Variants in SLC9A8 observed in about 807,000 individuals in gnomAD.
SLC9A8 encodes the protein solute carrier family 9 member A8, also known as sodium/hydrogen exchanger 8.
A neutral mutation model predicts 66.6 loss-of-function variants in SLC9A8; 48 were observed. The observed-to-expected ratio is 0.72, with a 90% CI of 0.57 to 0.92. The LOEUF is 0.92. Among genes scored for constraint, SLC9A8 ranks in the 40% least tolerant of loss-of-function variants. SLC9A8 has a pLI of 0.00. For synonymous variants in SLC9A8, 274 were observed against 282.6 expected (o/e 0.97, Z 0.31); for missense variants, 599 against 747.3 (o/e 0.80, Z 2.31).
At chr20:49,880,031 C>T (rs1287598826) in intron 12 of SLC9A8, among the ~76,000 whole-genome samples, 2 of 151,930 alleles carry the variant, frequency 1.3e-5, no homozygotes, top group African/African-American at 4.8e-5. Context: ...GAGGCAAAGG[C>T]AGGAGGATTG....
chr20:49,853,469 C>T (rs916215773), intron 7 of SLC9A8, among the ~76,000 whole-genome samples: 2 of 152,218 alleles, frequency 1.3e-5, no homozygotes, highest in African/African-American at 2.4e-5. Context: ...ACATCATCCT[C>T]CTTCCTTCAC....
At chr20:49,880,138 C>T (rs1250536074) in intron 12 of SLC9A8, among the ~76,000 whole-genome samples, 1 of 151,916 alleles carries the variant, frequency 6.6e-6, no homozygotes, top group African/African-American at 2.4e-5. Context: ...GTGGTGCATA[C>T]CTGTAGTTCT....
At chr20:49,858,496 T>C (rs2088598875) in intron 8 of SLC9A8, among the ~76,000 whole-genome samples, 1 of 151,734 alleles carries the variant, frequency 6.6e-6, no homozygotes, top group South Asian at 2.1e-4. Flanking sequence ...TTGCTTTGTC[T>C]CTTGATTTTT....
chr20:49,834,403 G>C (rs569987032), intron 3 of SLC9A8, among the ~76,000 whole-genome samples: 1 of 44,554 alleles, frequency 2.2e-5, no homozygotes, highest in Non-Finnish European at 4.1e-5. Context: ...TATATATACT[G>C]TGTATATATA....
At chr20:49,874,932 C>A (rs564958750) in intron 11 of SLC9A8, 111 bp downstream of exon 11, 1 of 764,428 alleles carries the variant, frequency 1.3e-6, no homozygotes, top group South Asian at 1.5e-5. Flanking sequence ...GGCAGCAGCT[C>A]CTCAGAGCCA....
intron 8 of SLC9A8, among the ~76,000 whole-genome samples, chr20:49,859,780 G>A (rs1003244398): frequency 2.6e-5 from 4 of 152,164 alleles, no homozygotes; most frequent in African/African-American, 4.8e-5. Flanking sequence ...CTGCTGTAGA[G>A]GAAACCTTTT....
chr20:49,848,488 T>A (rs1481372267), intron 5 of SLC9A8, among the ~76,000 whole-genome samples: 1 of 152,196 alleles, frequency 6.6e-6, no homozygotes, highest in Non-Finnish European at 1.5e-5. Context: ...CAGGTCTTGA[T>A]GTCCATGGTT....
chr20:49,883,631 T>A (rs1330519134), intron 13 of SLC9A8, among the ~76,000 whole-genome samples: 1 of 152,186 alleles, frequency 6.6e-6, no homozygotes, highest in Admixed American at 6.5e-5. Context: ...TCTCATTTGA[T>A]CTGCCAATGT....
intron 4 of SLC9A8, 148 bp downstream of exon 4, chr20:49,839,747 A>C (rs1243770396): frequency 2.3e-6 from 1 of 438,934 alleles, no homozygotes; most frequent in Non-Finnish European, 4.1e-6. Flanking sequence ...ATACAGGTTG[A>C]TGCCTTTACA....
Position 49,884,291 on chromosome 20 carries a change from C to CACACACACACACACACACACG in SLC9A8, c.1491+245_1491+246insGACACACACACACACACACAC, listed in dbSNP as rs1568884299. 156 of 252,492 alleles carry CACACACACACACACACACACG rather than the reference C, an allele frequency of 6.2e-4. 1 individual carries two copies. Among genetic ancestry groups the CACACACACACACACACACACG allele is most frequent in the Non-Finnish European group, 6.6e-4 (93 of 140,428 alleles). The allele number at this position is 252,492 out of a possible 1,614,324, so 15.6% of individuals were successfully genotyped here. On this transcript the variant is annotated intron_variant, in intron 14 of 15. Transcript: ENST00000361573. ...ACACACACGACACACACACACACGA[C>CACACACACACACACACACACG]ACACACACACACACACACACACACA...
chr20:49,822,224 T>A (rs17785991), intron 2 of SLC9A8, among the ~76,000 whole-genome samples: 40,889 of 152,072 alleles, frequency 0.27, 6,006 homozygotes, highest in Non-Finnish European at 0.34. Context: ...CTGATGTTCT[T>A]GTCACCAAAC....
chr20:49,834,346 T>TATACAC (rs1438390697), intron 3 of SLC9A8, among the ~76,000 whole-genome samples: 1 of 75,726 alleles, frequency 1.3e-5, no homozygotes, highest in Admixed American at 1.3e-4. Context: ...TATATATATA[T>TATACAC]ACTGTATATA....
At position 49,812,832 on chromosome 20, in the gene SLC9A8, G is replaced by C. The variant is rs905111411; in HGVS notation, c.-91G>C. On this transcript the variant is annotated 5_prime_UTR_variant, in exon 1 of 16. Transcript: ENST00000361573. ...GCGGCCGAGGCCCCGCCTCCCGCTC[G>C]CCCGCCCGCGCCTCCAGCGGAAGCC... is the stretch of plus-strand genomic sequence containing the variant. The C allele has an allele frequency of 7.7e-6, 11 of 1,434,080 alleles. No homozygotes were observed. The highest frequency in any genetic ancestry group is 1.5e-5 in the African/African-American group (1 of 67,058). 88.8% of individuals were successfully genotyped at this position (1,434,080 alleles called of 1,614,324 possible). A position where few individuals can be genotyped will look rare whatever the true frequency, so the allele number is the denominator to read the frequency against.
At chr20:49,839,251 A>G (rs1311884315) in intron 3 of SLC9A8, among the ~76,000 whole-genome samples, 2 of 152,226 alleles carry the variant, frequency 1.3e-5, no homozygotes, top group Non-Finnish European at 2.9e-5. Flanking sequence ...GGTAAAAATG[A>G]TAGGCGGTAA....
At chr20:49,850,965 G>T in intron 7 of SLC9A8, 121 bp downstream of exon 7, 3 of 623,788 alleles carry the variant, frequency 4.8e-6, no homozygotes, top group Admixed American at 3.2e-5. Flanking sequence ...TTTTTGGTAA[G>T]GATTTCTGCC....
intron 10 of SLC9A8, among the ~76,000 whole-genome samples, chr20:49,866,594 G>A (rs1031144454): frequency 2.0e-5 from 3 of 152,216 alleles, no homozygotes; most frequent in Admixed American, 2.0e-4. Context: ...CTTTGGTGTG[G>A]TTATTTTTAT....
intron 4 of SLC9A8, among the ~76,000 whole-genome samples, chr20:49,844,208 T>C (rs962909210): frequency 3.3e-5 from 5 of 152,228 alleles, no homozygotes; most frequent in African/African-American, 9.6e-5. Context: ...CAGTGTGGAC[T>C]GTTTTATCAC....
chr20:49,880,241 G>A (rs1473394377), intron 12 of SLC9A8, among the ~76,000 whole-genome samples: 2 of 135,042 alleles, frequency 1.5e-5, no homozygotes, highest in Non-Finnish European at 3.1e-5. Context: ...TCCAGCATGC[G>A]AGACAGAGTG....
At chr20:49,845,817 A>G (rs1276701902) in intron 5 of SLC9A8, among the ~76,000 whole-genome samples, 1 of 149,076 alleles carries the variant, frequency 6.7e-6, no homozygotes, top group Non-Finnish European at 1.5e-5. Flanking sequence ...TGCAACTCCC[A>G]GTGTGAGATG....
Sources: allele counts gnomAD v4.1 joint callset (sites outside exome capture counted in the v4.1 genomes callset), GRCh38; gene constraint gnomAD v4.1.1; transcripts MANE v1.5; gene names NCBI Gene and HGNC (gene_info 2026-07-23, HGNC 2026-07-21).